Variants in PTPN4 observed in about 807,000 individuals in gnomAD.
PTPN4 encodes tyrosine-protein phosphatase non-receptor type 4.
PTPN4 carries 49 observed loss-of-function variants against 135.5 expected under a neutral mutation model. The ratio of observed to expected loss-of-function variants is 0.36; its 90% CI spans 0.29 to 0.46. The LOEUF is 0.46. Among genes scored for constraint, PTPN4 ranks in the 20% least tolerant of loss-of-function variants. PTPN4 has a pLI of 1.00. For missense variants in PTPN4, 860 were observed against 1,101.0 expected (o/e 0.78, Z 3.10); for synonymous variants, 333 against 369.9 (o/e 0.90, Z 1.14).
intron 14 of PTPN4, 80 bp downstream of exon 14, chr2:119,932,629 A>C (rs1678922709): frequency 5.6e-6 from 8 of 1,423,090 alleles, no homozygotes; most frequent in Non-Finnish European, 7.6e-6. Flanking sequence ...TTATGCCTGA[A>C]GACAAAGATA....
intron 1 of PTPN4, among the ~76,000 whole-genome samples, chr2:119,796,457 T>G (rs1691262283): frequency 6.6e-6 from 1 of 152,196 alleles, no homozygotes; most frequent in Non-Finnish European, 1.5e-5. Context: ...AATCATACAG[T>G]ATATACTCTT....
intron 12 of PTPN4, among the ~76,000 whole-genome samples, chr2:119,922,174 G>T (rs1427609404): frequency 1.5e-5 from 2 of 137,052 alleles, no homozygotes; most frequent in Admixed American, 7.7e-5. Context: ...AAGGAAATTT[G>T]TACCATAAAT....
intron 19 of PTPN4, among the ~76,000 whole-genome samples, chr2:119,952,901 T>C (rs1183624543): frequency 6.6e-6 from 1 of 152,238 alleles, no homozygotes; most frequent in Non-Finnish European, 1.5e-5. Flanking sequence ...CATCTTTGGA[T>C]AGCTCAAACT....
chr2:119,932,570 C>T, intron 14 of PTPN4, 21 bp downstream of exon 14: 2 of 1,577,220 alleles, frequency 1.3e-6, no homozygotes, highest in Non-Finnish European at 1.7e-6. Context: ...ATTTTGTGAC[C>T]AACATCAGGT....
chr2:119,902,139 C>T (rs1678414199), intron 10 of PTPN4, among the ~76,000 whole-genome samples: 2 of 152,174 alleles, frequency 1.3e-5, no homozygotes, highest in Admixed American at 1.3e-4. Flanking sequence ...CTATCATAGT[C>T]ATGCTGCAGA....
At chr2:119,862,327 G>C (rs1477021603) in intron 2 of PTPN4, among the ~76,000 whole-genome samples, 1 of 152,092 alleles carries the variant, frequency 6.6e-6, no homozygotes, top group African/African-American at 2.4e-5. Flanking sequence ...TATGCCTAGT[G>C]CTCCATTATT....
chr2:119,864,658 A>G (rs1677806813), intron 3 of PTPN4, among the ~76,000 whole-genome samples: 2 of 152,124 alleles, frequency 1.3e-5, no homozygotes, highest in South Asian at 2.1e-4. Context: ...TATCGAGATC[A>G]TGTATACTAC....
chr2:119,905,511 A>T (rs1397641901), intron 10 of PTPN4, among the ~76,000 whole-genome samples: 1 of 152,234 alleles, frequency 6.6e-6, no homozygotes, highest in Non-Finnish European at 1.5e-5. Context: ...ACAGACTCCA[A>T]TACAATAGTA....
chr2:119,807,082 G>A (rs527398248), intron 1 of PTPN4, among the ~76,000 whole-genome samples: 28 of 152,258 alleles, frequency 1.8e-4, no homozygotes, highest in Admixed American at 4.6e-4. Flanking sequence ...AAAGCAGTGC[G>A]TAGAGGAAAA....
At chr2:119,809,722 A>G (rs754031261) in intron 1 of PTPN4, 115 bp from the exon 2 acceptor site, 4 of 913,542 alleles carry the variant, frequency 4.4e-6, no homozygotes, top group Non-Finnish European at 4.7e-6. Flanking sequence ...TTCAAAATTT[A>G]TAACTGTTTT....
intron 1 of PTPN4, among the ~76,000 whole-genome samples, chr2:119,796,905 T>G (rs1028118930): frequency 6.6e-6 from 1 of 151,148 alleles, no homozygotes; most frequent in African/African-American, 2.4e-5. Context: ...TGTTTTGCCA[T>G]TCTGATAGGT....
chr2:119,970,646 T>A (rs1011103582), intron 26 of PTPN4, among the ~76,000 whole-genome samples: 3 of 152,262 alleles, frequency 2.0e-5, no homozygotes, highest in African/African-American at 7.2e-5. Flanking sequence ...TTTATTCCTT[T>A]TTCTTGTTCA....
intron 3 of PTPN4, among the ~76,000 whole-genome samples, chr2:119,864,600 C>T (rs2104989332): frequency 6.6e-6 from 1 of 152,068 alleles, no homozygotes; most frequent in Middle Eastern, 3.4e-3. Context: ...TAGTCACTAC[C>T]ATAAATATGA....
intron 1 of PTPN4, among the ~76,000 whole-genome samples, chr2:119,787,070 G>T (rs557894490): frequency 6.6e-6 from 1 of 152,272 alleles, no homozygotes; most frequent in African/African-American, 2.4e-5. Flanking sequence ...CTCGTGAATG[G>T]GTGTGTAGGT....
intron 1 of PTPN4, among the ~76,000 whole-genome samples, chr2:119,775,352 TTGG>T (rs149439802): frequency 0.025 from 3,787 of 152,280 alleles, 154 homozygotes; most frequent in African/African-American, 0.085. Context: ...TTTTTCTGGA[TTGG>T]TTTCATTTGT....
At chr2:119,941,193 A>G (rs1679057366) in intron 15 of PTPN4, among the ~76,000 whole-genome samples, 1 of 152,242 alleles carries the variant, frequency 6.6e-6, no homozygotes, top group Non-Finnish European at 1.5e-5. Context: ...ATTATAATGC[A>G]AGGTTTACCT....
At chr2:119,888,481 T>C (rs1459449762) in intron 9 of PTPN4, among the ~76,000 whole-genome samples, 1 of 152,182 alleles carries the variant, frequency 6.6e-6, no homozygotes, top group African/African-American at 2.4e-5. Context: ...TGACTTTGGG[T>C]TTGTCATATA....
chr2:119,847,519 A>G (rs1677523316), intron 2 of PTPN4, among the ~76,000 whole-genome samples: 1 of 151,706 alleles, frequency 6.6e-6, no homozygotes, highest in South Asian at 2.1e-4. Flanking sequence ...TAGAAACGGT[A>G]TTTCTCCACA....
chr2:119,782,700 A>G (rs1574330866), intron 1 of PTPN4, among the ~76,000 whole-genome samples: 2 of 49,978 alleles, frequency 4.0e-5, no homozygotes, highest in African/African-American at 6.9e-5. Context: ...AGGCTATGAA[A>G]CCCCCCCACC....
Sources: gnomAD v4.1 joint callset for allele counts (sites outside exome capture counted in the v4.1 genomes callset) on GRCh38, gnomAD v4.1.1 for gene constraint, MANE v1.5 for transcripts, NCBI Gene and HGNC (gene_info 2026-07-23, HGNC 2026-07-21) for gene names.